TKT: variants seen among roughly 807,000 people sequenced by gnomAD.
TKT encodes the protein transketolase.
TKT carries 47 observed loss-of-function variants against 63.9 expected under a neutral mutation model. That is an observed-to-expected ratio of 0.74 (90% confidence interval 0.58 to 0.94). The LOEUF (loss-of-function observed/expected upper bound fraction) is 0.94. TKT is among the 40% of genes least tolerant of loss of function. TKT has a pLI of 0.00. For synonymous variants in TKT, 338 were observed against 334.1 expected (o/e 1.01, Z -0.13); for missense variants, 721 against 846.2 (o/e 0.85, Z 1.84).
chr3:53,226,032 A>C, intron 13 of TKT, 101 bp from the exon 14 acceptor site: 1 of 1,146,546 alleles, frequency 8.7e-7, no homozygotes, highest in Non-Finnish European at 1.2e-6. Flanking sequence ...GAGGCTGCAT[A>C]TGCACTGCCT....
intron 2 of TKT, 92 bp from the exon 3 acceptor site, chr3:53,241,337 G>A (rs1312386776): frequency 1.2e-5 from 13 of 1,109,712 alleles, no homozygotes; most frequent in Middle Eastern, 2.0e-4. Flanking sequence ...GGGCCCGGCC[G>A]AGCCGGCCAA....
chr3:53,239,951 G>A (rs782214002), intron 4 of TKT, among the ~76,000 whole-genome samples: 4 of 152,210 alleles, frequency 2.6e-5, no homozygotes, highest in Non-Finnish European at 5.9e-5. Context: ...CTCAGCCTAA[G>A]CACTCTGGCT....
At chr3:53,248,754 C>T (rs1456969663) in intron 1 of TKT, among the ~76,000 whole-genome samples, 1 of 151,992 alleles carries the variant, frequency 6.6e-6, no homozygotes, top group Non-Finnish European at 1.5e-5. Context: ...TATGAAATGT[C>T]TAGAAGAGTT....
intron 6 of TKT, chr3:53,232,080 T>C: frequency 2.9e-6 from 1 of 345,244 alleles, no homozygotes; most frequent in Non-Finnish European, 5.2e-6. Flanking sequence ...CCATGGCACC[T>C]TGTTGTGTGC....
At chr3:53,255,721 C>T (rs1553682172) in intron 1 of TKT, 115 bp downstream of exon 1, 4 of 642,238 alleles carry the variant, frequency 6.2e-6, no homozygotes, top group East Asian at 8.1e-5. Flanking sequence ...GCGCCCGGGC[C>T]ACCTTCCTCG....
In TKT at chr3:53,226,969, C is replaced by T. The variant is rs1383303472; in HGVS notation, c.1574-91G>A. On this transcript the variant is annotated intron_variant, in intron 12 of 13. Transcript: ENST00000462138. ...GCCTGGTGGGACATCCTGAGGGCTGCGTGTAGCTAAGAGCTCAGCCTGCGG... is the reference window on the plus strand; with the variant it reads ...GCCTGGTGGGACATCCTGAGGGCTGTGTGTAGCTAAGAGCTCAGCCTGCGG... 9 of 1,468,248 alleles carry T rather than the reference C, an allele frequency of 6.1e-6. No homozygotes were observed. In the Admixed American group the frequency reaches 1.1e-4, roughly 18 times the overall value. 91.0% of individuals were successfully genotyped at this position (1,468,248 alleles called of 1,614,324 possible). A position where few individuals can be genotyped will look rare whatever the true frequency, so the allele number is the denominator to read the frequency against.
chr3:53,226,709 C>T, intron 13 of TKT, 47 bp downstream of exon 13: 2 of 1,613,470 alleles, frequency 1.2e-6, no homozygotes, highest in Non-Finnish European at 1.7e-6. Flanking sequence ...ACGCTCGGCT[C>T]TCTGGCCCTG....
At chr3:53,232,830 A>G in intron 6 of TKT, 1 of 412,918 alleles carries the variant, frequency 2.4e-6, no homozygotes, top group Non-Finnish European at 4.3e-6. Flanking sequence ...GAGCACACAC[A>G]GCTGCAGCTC....
chr3:53,246,671 G>A (rs1038758246), intron 1 of TKT, among the ~76,000 whole-genome samples: 5 of 151,984 alleles, frequency 3.3e-5, no homozygotes, highest in Admixed American at 6.6e-5. Context: ...TGACCAACAC[G>A]GATAAACCCC....
rs1553677572 is a variant in TKT at position 53,233,141 on chromosome 3, C to T, written c.748+15G>A. 7.5e-6 allele frequency: 12 copies of T among 1,609,780 alleles called. No homozygotes were observed. The highest frequency in any genetic ancestry group is 8.5e-6 in the Non-Finnish European group (10 of 1,177,094). ...CGAGGGGTGAAGGTGGGGAGGGCGG[C>T]TTGTGCATACTGACCCGTGATCCCT... On this transcript the variant is annotated intron_variant, in intron 6 of 13. Coordinates refer to ENST00000462138, the MANE Select transcript of TKT (RefSeq NM_001064.4).
intron 1 of TKT, among the ~76,000 whole-genome samples, chr3:53,245,355 T>C (rs1393646402): frequency 6.8e-6 from 1 of 146,674 alleles, no homozygotes; most frequent in African/African-American, 2.5e-5. Flanking sequence ...CAGGACAATA[T>C]ATATTCTTCC....
intron 8 of TKT, among the ~76,000 whole-genome samples, chr3:53,230,158 C>A (rs1182854265): frequency 1.3e-5 from 2 of 152,220 alleles, no homozygotes; most frequent in Non-Finnish European, 2.9e-5. Context: ...CTGTCCTCCA[C>A]CTGGAAGAGA....
At chr3:53,232,617 G>A (rs1704818948) in intron 6 of TKT, 3 of 398,320 alleles carry the variant, frequency 7.5e-6, no homozygotes, top group Middle Eastern at 6.2e-4. Context: ...GTGCCAGGGA[G>A]TGACTTACGC....
At chr3:53,245,289 A>T (rs1357016600) in intron 1 of TKT, among the ~76,000 whole-genome samples, 1 of 144,754 alleles carries the variant, frequency 6.9e-6, no homozygotes, top group Non-Finnish European at 1.5e-5. Flanking sequence ...CTTGGCAACA[A>T]GAGTAACACT....
At chr3:53,234,181 C>T (rs1199573826) in intron 5 of TKT, 1 of 152,336 alleles carries the variant, frequency 6.6e-6, no homozygotes, top group African/African-American at 2.4e-5. Flanking sequence ...CCTCCTCTCC[C>T]TTTCTGAGGT....
intron 13 of TKT, 123 bp downstream of exon 13, chr3:53,226,633 G>C: frequency 7.0e-7 from 1 of 1,424,664 alleles, no homozygotes; most frequent in Non-Finnish European, 9.7e-7. Context: ...GCTGCTCTGA[G>C]GGACAGCTCT....
chr3:53,232,724 G>T, intron 6 of TKT: 1 of 399,100 alleles, frequency 2.5e-6, no homozygotes. Context: ...ATTGCTTGAG[G>T]AGTACCCCAC....
In TKT at chr3:53,228,372, C is replaced by T. The variant is rs781961601; in HGVS notation, c.1396-13G>A. 5.0e-6 allele frequency: 8 copies of T among 1,613,626 alleles called. No individual in the cohort carries two copies. The African/African-American group carries it at 1.1e-4, about 22-fold the overall frequency. ...TGAAGCAGATACCCTGAGACCGAAA[C>T]AGATAAACTGAGGATACAGGATGTG... On this transcript the variant is annotated splice_polypyrimidine_tract_variant and intron_variant, in intron 10 of 13. Transcript: ENST00000462138.
intron 1 of TKT, among the ~76,000 whole-genome samples, chr3:53,250,840 G>A (rs1359648948): frequency 6.6e-6 from 1 of 152,148 alleles, no homozygotes; most frequent in Non-Finnish European, 1.5e-5. Flanking sequence ...GGAGTGCAGA[G>A]CCATGATCAT....
Sources: allele counts gnomAD v4.1 joint callset (sites outside exome capture counted in the v4.1 genomes callset), GRCh38; gene constraint gnomAD v4.1.1; transcripts MANE v1.5; gene names NCBI Gene and HGNC (gene_info 2026-07-23, HGNC 2026-07-21).